The following CEP76 variants were observed in gnomAD, a reference collection of about 807,000 sequenced individuals.
The protein encoded by CEP76 is centrosomal protein of 76 kDa.
In CEP76, 55 loss-of-function variants were observed where a neutral mutation model predicts 83.3. The ratio of observed to expected loss-of-function variants is 0.66; its 90% CI spans 0.53 to 0.83. CEP76 has a LOEUF of 0.83. Among genes scored for constraint, CEP76 ranks in the 40% least tolerant of loss-of-function variants. CEP76 has a pLI of 0.00. For synonymous variants in CEP76, 270 were observed against 274.5 expected (o/e 0.98, Z 0.16); for missense variants, 694 against 799.5 (o/e 0.87, Z 1.59).
At chr18:12,688,549 G>A (rs970288736) in intron 7 of CEP76, among the ~76,000 whole-genome samples, 2 of 152,088 alleles carry the variant, frequency 1.3e-5, no homozygotes, top group African/African-American at 2.4e-5. Context: ...TAGCATCTTA[G>A]AATGTAAGAT....
At chr18:12,665,319 C>G (rs1363845198) in intron 12 of CEP76, among the ~76,000 whole-genome samples, 1 of 152,094 alleles carries the variant, frequency 6.6e-6, no homozygotes, top group East Asian at 1.9e-4. Flanking sequence ...CCCAGCTACT[C>G]GGGAGGCTGA....
intron 6 of CEP76, among the ~76,000 whole-genome samples, chr18:12,694,597 A>G (rs1051205222): frequency 1.3e-5 from 2 of 152,268 alleles, no homozygotes; most frequent in African/African-American, 4.8e-5. Context: ...AACAGAGCAG[A>G]AAAGACATAA....
At chr18:12,686,478 A>G in intron 7 of CEP76, 28 bp from the exon 8 acceptor site, 1 of 1,492,588 alleles carries the variant, frequency 6.7e-7, no homozygotes, top group Non-Finnish European at 9.2e-7. Flanking sequence ...AACATCTGTA[A>G]TGACATATTA....
intron 11 of CEP76, among the ~76,000 whole-genome samples, chr18:12,674,325 C>G (rs2039042767): frequency 1.3e-5 from 2 of 151,744 alleles, no homozygotes; most frequent in African/African-American, 4.8e-5. Context: ...GCCTGTGGTC[C>G]CAGTTGCCTG....
intron 7 of CEP76, among the ~76,000 whole-genome samples, chr18:12,690,443 C>T (rs1165119273): frequency 6.6e-6 from 1 of 151,794 alleles, no homozygotes; most frequent in African/African-American, 2.4e-5. Flanking sequence ...AATACGTGAA[C>T]CTGACCACAT....
At chr18:12,690,353 T>C (rs1009646128) in intron 7 of CEP76, among the ~76,000 whole-genome samples, 6 of 152,198 alleles carry the variant, frequency 3.9e-5, no homozygotes, top group Admixed American at 6.5e-5. Context: ...AATAATATAC[T>C]ACACTATACT....
At chr18:12,693,580 C>A (rs988459443) in intron 6 of CEP76, among the ~76,000 whole-genome samples, 3 of 152,038 alleles carry the variant, frequency 2.0e-5, no homozygotes, top group Non-Finnish European at 4.4e-5. Flanking sequence ...GTCAAGAGAT[C>A]GAGACCATCC....
chr18:12,694,854 G>A (rs1417441051), intron 6 of CEP76, among the ~76,000 whole-genome samples: 2 of 151,808 alleles, frequency 1.3e-5, no homozygotes, highest in African/African-American at 4.8e-5. Flanking sequence ...GGTACTACAG[G>A]TGCCTGCCAC....
In CEP76 at chr18:12,702,602, C is replaced by T; in HGVS notation, c.-54G>A. The stretch of plus-strand genomic sequence containing the variant: ...CTCCCCGCCTCAGATGCCCTAACTG[C>T]GCGGCCCCGGCCGGGCCAGGGAGCG... On this transcript the variant is annotated 5_prime_UTR_variant, in exon 1 of 12. Coordinates refer to ENST00000262127, the MANE Select transcript of CEP76 (RefSeq NM_024899.4). 1 of 1,565,136 alleles carries T rather than the reference C, an allele frequency of 6.4e-7. No homozygotes were observed. Among genetic ancestry groups the T allele is most frequent in the Non-Finnish European group, 8.6e-7 (1 of 1,160,392 alleles).
chr18:12,687,362 TATA>T (rs1371367503), intron 7 of CEP76, among the ~76,000 whole-genome samples: 1 of 152,062 alleles, frequency 6.6e-6, no homozygotes, highest in Non-Finnish European at 1.5e-5. Flanking sequence ...TACATTTGAT[TATA>T]ATGAGAAAGA....
chr18:12,692,350 A>G (rs1035590931), intron 6 of CEP76: 1 of 151,740 alleles, frequency 6.6e-6, no homozygotes, highest in Admixed American at 6.6e-5. Context: ...TTCTCTTGTT[A>G]AAACACTTCA....
intron 10 of CEP76, among the ~76,000 whole-genome samples, chr18:12,675,946 G>A (rs1020022627): frequency 6.6e-6 from 1 of 152,082 alleles, no homozygotes; most frequent in African/African-American, 2.4e-5. Context: ...TGGGATTACA[G>A]GCATAAGCCA....
In CEP76 at chr18:12,686,748, T is replaced by C. The variant is rs540412533; in HGVS notation, c.934-298A>G. ...GCAATAAGAACTCCTCTGAGAAATG[T>C]GTGGGTAGGTATGTAGGGGAGGGAG... On this transcript the variant is annotated intron_variant, in intron 7 of 11. Coordinates refer to ENST00000262127, the MANE Select transcript of CEP76 (RefSeq NM_024899.4). 9 of 240,852 alleles carry C rather than the reference T, an allele frequency of 3.7e-5. No individual in the cohort carries two copies. In the South Asian group the frequency reaches 3.9e-4, roughly 11 times the overall value. 14.9% of individuals were successfully genotyped at this position (240,852 alleles called of 1,614,324 possible).
At chr18:12,668,734 CTTTT>C (rs543253434), downstream of CEP76, among the ~76,000 whole-genome samples, 1 of 96,642 alleles carries the variant, frequency 1.0e-5, no homozygotes, top group African/African-American at 3.9e-5. Context: ...CACTTTATTC[CTTTT>C]TTTTTTTTTT....
chr18:12,679,760 C>G lies in CEP76; in HGVS notation c.1289+902G>C, dbSNP rs149082507. Among the ~76,000 whole-genome samples the G allele has an allele frequency of 3.8e-3, 576 of 152,146 alleles. 1 individual carries two copies. Among genetic ancestry groups the G allele is most frequent in the African/African-American group, 0.013 (542 of 41,514 alleles). ...ACTTATTTTCAGACTTAGGTATGAT[C>G]ATCAGAAAAAAACATATGCCAGCCA... is the stretch of plus-strand genomic sequence containing the variant. On this transcript the variant is annotated intron_variant, in intron 9 of 11. Coordinates refer to ENST00000262127, the MANE Select transcript of CEP76 (RefSeq NM_024899.4).
intron 10 of CEP76, among the ~76,000 whole-genome samples, chr18:12,675,257 G>C (rs1173958169): frequency 3.3e-5 from 5 of 152,052 alleles, no homozygotes; most frequent in Admixed American, 3.3e-4. Flanking sequence ...TGAGTTGGGC[G>C]TGGTGGCGGG....
intron 10 of CEP76, among the ~76,000 whole-genome samples, chr18:12,676,740 T>C (rs1471378656): frequency 1.3e-5 from 2 of 152,204 alleles, no homozygotes; most frequent in African/African-American, 4.8e-5. Flanking sequence ...TGAAAACATA[T>C]TACAAATGCC....
intron 4 of CEP76, 35 bp downstream of exon 4, chr18:12,698,944 A>T: frequency 2.9e-6 from 4 of 1,375,732 alleles, no homozygotes; most frequent in Non-Finnish European, 4.1e-6. Context: ...ACAAAGATTT[A>T]CTCAATTAAA....
At chr18:12,683,328 G>A (rs1204272711) in intron 8 of CEP76, among the ~76,000 whole-genome samples, 1 of 151,472 alleles carries the variant, frequency 6.6e-6, no homozygotes. Flanking sequence ...CTCCAGCCTG[G>A]GCGACAGAGC....
Sources: allele counts gnomAD v4.1 joint callset (sites outside exome capture counted in the v4.1 genomes callset), GRCh38; gene constraint gnomAD v4.1.1; transcripts MANE v1.5; gene names NCBI Gene and HGNC (gene_info 2026-07-23, HGNC 2026-07-21).